The following CIROZ variants were observed in gnomAD, a reference collection of about 807,000 sequenced individuals.
CIROZ encodes the protein ciliated left-right organizer ZP-N domains-containing protein.
At chr1:10,964,232 C>G in the CIROZ span, 3 of 1,614,152 alleles carry the variant, frequency 1.9e-6, no homozygotes, top group East Asian at 4.5e-5. Flanking sequence ...CCCATCACCC[C>G]TTTCTGAAAT....
the CIROZ span, among the ~76,000 whole-genome samples, chr1:10,972,155 A>G: frequency 0.032 from 4,877 of 152,258 alleles, 274 homozygotes; most frequent in African/African-American, 0.11. Context: ...CAGCATCGTG[A>G]GATTGTTCAG....
the CIROZ span, among the ~76,000 whole-genome samples, chr1:10,953,548 C>T: frequency 2.1e-4 from 32 of 152,288 alleles, no homozygotes; most frequent in Admixed American, 7.2e-4. Context: ...ACCAAATGAC[C>T]GGAGGAACTG....
chr1:10,954,182 G>T, the CIROZ span: 1 of 1,591,700 alleles, frequency 6.3e-7, no homozygotes, highest in Middle Eastern at 1.7e-4. Context: ...TTGGCTGGGC[G>T]CAGTGGCTCA....
the CIROZ span, chr1:10,964,333 A>G: frequency 1.9e-4 from 285 of 1,524,444 alleles, no homozygotes; most frequent in African/African-American, 3.7e-3. Context: ...AATAGCCTGC[A>G]ATTATAGGTC....
At chr1:10,951,658 A>T in the CIROZ span, among the ~76,000 whole-genome samples, 2 of 151,024 alleles carry the variant, frequency 1.3e-5, no homozygotes, top group Non-Finnish European at 2.9e-5. Context: ...CCAGGAGCTC[A>T]ATGTTATAAT....
At chr1:10,964,082 C>A in the CIROZ span, 2 of 1,601,958 alleles carry the variant, frequency 1.2e-6, no homozygotes, top group Admixed American at 1.7e-5. Context: ...AGAAGCCCAG[C>A]CTGGGAGGTC....
the CIROZ span, chr1:10,948,019 G>T: frequency 2.5e-6 from 4 of 1,613,296 alleles, no homozygotes; most frequent in Non-Finnish European, 3.4e-6. Context: ...GGTGGCAGAG[G>T]TTCCATAGGA....
chr1:10,958,044 G>A, the CIROZ span, among the ~76,000 whole-genome samples: 1 of 152,240 alleles, frequency 6.6e-6, no homozygotes, highest in Non-Finnish European at 1.5e-5. Context: ...ATGCCAACCA[G>A]TCGGCCCCTA....
the CIROZ span, among the ~76,000 whole-genome samples, chr1:10,971,592 G>T: frequency 6.6e-6 from 1 of 151,942 alleles, no homozygotes. Flanking sequence ...CCTCTGGGAG[G>T]TCCTCACTGA....
At chr1:10,960,587 G>A in the CIROZ span, among the ~76,000 whole-genome samples, 1 of 152,232 alleles carries the variant, frequency 6.6e-6, no homozygotes, top group Non-Finnish European at 1.5e-5. The surrounding 1 kb of genome is among the most constrained non-coding windows in gnomAD (Gnocchi z 4.6). Context: ...GTGCCCCTGG[G>A]CACACTTAAC....
the CIROZ span, among the ~76,000 whole-genome samples, chr1:10,967,259 C>T: frequency 1.4e-3 from 208 of 152,090 alleles, 2 homozygotes; most frequent in African/African-American, 4.8e-3. Context: ...CTTCTCTTCC[C>T]CTCCCTCCCT....
the CIROZ span, among the ~76,000 whole-genome samples, chr1:10,970,872 T>C: frequency 6.6e-6 from 1 of 150,606 alleles, no homozygotes; most frequent in Non-Finnish European, 1.5e-5. Context: ...TCGCCAGGCA[T>C]GGGGGCTCAT....
the CIROZ span, among the ~76,000 whole-genome samples, chr1:10,973,779 C>T: frequency 3.3e-5 from 5 of 152,254 alleles, no homozygotes; most frequent in Middle Eastern, 3.4e-3. Context: ...GGAGCCCCAC[C>T]CTCCTGGATG....
chr1:10,957,019 T>C, the CIROZ span: 5 of 1,550,692 alleles, frequency 3.2e-6, no homozygotes, highest in Non-Finnish European at 8.7e-7. Flanking sequence ...CTCCTGGGTC[T>C]TACCCGGTGG....
chr1:10,950,414 C>T, the CIROZ span, among the ~76,000 whole-genome samples: 6 of 152,284 alleles, frequency 3.9e-5, no homozygotes, highest in East Asian at 5.8e-4. Flanking sequence ...AGCTTCAATG[C>T]CACCAGATGG....
At chr1:10,964,262 A>C in the CIROZ span, 1 of 1,611,692 alleles carries the variant, frequency 6.2e-7, no homozygotes, top group Non-Finnish European at 8.5e-7. Flanking sequence ...TCCAGCCTGT[A>C]ATTTGCTTTC....
chr1:10,958,538 G>C, the CIROZ span, among the ~76,000 whole-genome samples: 1 of 152,200 alleles, frequency 6.6e-6, no homozygotes, highest in South Asian at 2.1e-4. Context: ...GAGGGCATCA[G>C]TGGGAGCTTC....
At chr1:10,949,821 G>A in the CIROZ span, 7 of 1,541,466 alleles carry the variant, frequency 4.5e-6, no homozygotes, top group African/African-American at 9.6e-5. Context: ...GAACCTTCCA[G>A]AGAGAAGACA....
At chr1:10,955,984 A>C in the CIROZ span, among the ~76,000 whole-genome samples, 1 of 152,132 alleles carries the variant, frequency 6.6e-6, no homozygotes, top group African/African-American at 2.4e-5. Context: ...CCTTTATATA[A>C]AGGGATTTGA....
Sources: gnomAD v4.1 joint callset for allele counts (sites outside exome capture counted in the v4.1 genomes callset) on GRCh38, gnomAD v4.1.1 for gene constraint, Gnocchi (gnomAD v3.1) non-coding constraint, MANE v1.5 for transcripts, NCBI Gene and HGNC (gene_info 2026-07-23, HGNC 2026-07-21) for gene names.